The following CD99 variants were observed in gnomAD, a reference collection of about 807,000 sequenced individuals.
The protein encoded by CD99 is CD99 antigen.
Under a neutral mutation model 28.4 loss-of-function variants are expected in CD99, and 19 were observed. That is an observed-to-expected ratio of 0.67 (90% CI 0.47 to 0.98). The LOEUF is 0.98. Among genes scored for constraint, CD99 ranks in the 50% least tolerant of loss-of-function variants. The pLI, the probability that CD99 is intolerant of heterozygous loss-of-function variation, is 0.00. For missense variants in CD99, 283 were observed against 248.8 expected (o/e 1.14, Z -0.92); for synonymous variants, 103 against 92.1 (o/e 1.12, Z -0.67).
At chrX:2,702,931 G>A (rs1325293842) in intron 1 of CD99, among the ~76,000 whole-genome samples, 1 of 152,072 alleles carries the variant, frequency 6.6e-6, no homozygotes. Context: ...ACAGGCATGG[G>A]ATTACAGCCA....
At chrX:2,728,954 C>T (rs1218171794) in intron 8 of CD99, among the ~76,000 whole-genome samples, 2 of 151,070 alleles carry the variant, frequency 1.3e-5, no homozygotes, top group Admixed American at 6.6e-5. Context: ...CCTCAGCCTC[C>T]GAAGTAACTG....
chrX:2,717,380 T>C (rs2048778469), intron 2 of CD99: 3 of 520,680 alleles, frequency 5.8e-6, no homozygotes, highest in South Asian at 2.9e-5. Context: ...GAGAAGGGGC[T>C]CCTGGTCTCT....
chrX:2,707,847 C>T (rs1272497078), intron 1 of CD99, among the ~76,000 whole-genome samples: 3 of 152,084 alleles, frequency 2.0e-5, no homozygotes, highest in Non-Finnish European at 4.4e-5. Context: ...TTTGTAGCCC[C>T]GGAGGTCGTT....
chrX:2,724,796 C>T (rs964023102), intron 7 of CD99, among the ~76,000 whole-genome samples: 3 of 151,558 alleles, frequency 2.0e-5, no homozygotes, highest in African/African-American at 4.9e-5. Context: ...CCTAGCTACT[C>T]GGGAGGCACA....
Position 2,741,026 on chromosome X carries a change from T to A in CD99, c.*222T>A. 1 of 601,850 alleles carries A rather than the reference T, an allele frequency of 1.7e-6. No homozygotes were observed. The highest frequency in any genetic ancestry group is 4.6e-4 in the Middle Eastern group (1 of 2,188). The allele number at this position is 601,850 out of a possible 1,614,324, so 37.3% of individuals were successfully genotyped here. On this transcript the variant is annotated 3_prime_UTR_variant, in exon 10 of 10. Transcript: ENST00000381192. Reference sequence around the variant, plus strand: ...AGGGGGATAGGCACTTGGACCCCCATTCTCCAAGGCCCGGGGGGGCGGTTT... The same window carrying A: ...AGGGGGATAGGCACTTGGACCCCCAATCTCCAAGGCCCGGGGGGGCGGTTT...
At position 2,739,156 on chromosome X, in the gene CD99, A is replaced by G. The variant is rs187544549; in HGVS notation, c.532+900A>G. Among the ~76,000 whole-genome samples the G allele has an allele frequency of 4.6e-5, 7 of 152,174 alleles. No homozygotes were observed. In the East Asian group the frequency reaches 1.2e-3, roughly 25 times the overall value. On this transcript the variant is annotated intron_variant, in intron 9 of 9. Coordinates refer to ENST00000381192, the MANE Select transcript of CD99 (RefSeq NM_002414.5). ...AGTGCTGGGGTTCTAGGCGTGAACTACCGCACCCAGCCTGCTATCACCTTC... is the reference window on the plus strand; with the variant it reads ...AGTGCTGGGGTTCTAGGCGTGAACTGCCGCACCCAGCCTGCTATCACCTTC...
At chrX:2,711,753 AGGTTGGCTGGGTGCGGT>A (rs754166864) in intron 1 of CD99, among the ~76,000 whole-genome samples, 1,939 of 152,058 alleles carry the variant, frequency 0.013, 38 homozygotes, top group African/African-American at 0.045. Flanking sequence ...AAAAAGAAGG[AGGTTGGCTGGGTGCGGT>A]GGCTCATGCC....
At chrX:2,727,429 G>T in intron 8 of CD99, 2 of 740,138 alleles carry the variant, frequency 2.7e-6, no homozygotes, top group South Asian at 2.9e-5. Flanking sequence ...CCTCTTGCAT[G>T]ACCAAGCATT....
chrX:2,717,937 CTTTTTT>C (rs527447220), intron 3 of CD99: 1,083 of 164,136 alleles, frequency 6.6e-3, no homozygotes, highest in South Asian at 9.1e-3. Context: ...ATTTTCTTCC[CTTTTTT>C]TTTTTTTTTT....
At chrX:2,718,392 G>A (rs1282268617) in intron 3 of CD99, among the ~76,000 whole-genome samples, 2 of 146,010 alleles carry the variant, frequency 1.4e-5, no homozygotes, top group Non-Finnish European at 3.0e-5. Flanking sequence ...TTTTTGAGAC[G>A]GAGTCTCGCT....
At chrX:2,713,051 C>G (rs191034951) in intron 1 of CD99, among the ~76,000 whole-genome samples, 2 of 151,678 alleles carry the variant, frequency 1.3e-5, no homozygotes, top group African/African-American at 4.9e-5. Flanking sequence ...CATGCACAAA[C>G]ACACCTACAC....
chrX:2,713,659 T>C (rs1373813647), intron 1 of CD99, among the ~76,000 whole-genome samples: 1 of 152,222 alleles, frequency 6.6e-6, no homozygotes, highest in African/African-American at 2.4e-5. Flanking sequence ...ACAGGGCTCC[T>C]GCGGGTTGTT....
At chrX:2,737,422 C>T (rs111668239) in intron 8 of CD99, among the ~76,000 whole-genome samples, 6,543 of 12,856 alleles carry the variant, frequency 0.51, 163 homozygotes, top group Middle Eastern at 0.54. Context: ...GTGATCCGCC[C>T]GCCTGGCCTC....
At chrX:2,697,844 A>G (rs1603258779) in intron 1 of CD99, among the ~76,000 whole-genome samples, 1 of 152,106 alleles carries the variant, frequency 6.6e-6, no homozygotes, top group East Asian at 1.9e-4. Context: ...GTTCTCAGCA[A>G]TTGAACACTC....
Position 2,728,270 on chromosome X carries a change from T to A in CD99, c.475+1897T>A, listed in dbSNP as rs191930108. On this transcript the variant is annotated intron_variant, in intron 8 of 9. Transcript: ENST00000381192. ...CCCAGGCTGGAATGCAATGGCTCCA[T>A]CTTGGCTCACTGCAACCTCCACCTC... Among the ~76,000 whole-genome samples the A allele has an allele frequency of 4.1e-3, 595 of 146,520 alleles. 7 individuals carry two copies. Among genetic ancestry groups the A allele is most frequent in the African/African-American group, 0.014 (566 of 39,510 alleles).
At chrX:2,699,657 A>G (rs1204672136) in intron 1 of CD99, among the ~76,000 whole-genome samples, 1 of 151,944 alleles carries the variant, frequency 6.6e-6, no homozygotes, top group Non-Finnish European at 1.5e-5. Context: ...GGGTCTCCCT[A>G]TGTTGCCCAG....
intron 3 of CD99, chrX:2,719,374 A>C (rs2048887674): frequency 2.4e-6 from 1 of 420,780 alleles, no homozygotes; most frequent in Non-Finnish European, 4.2e-6. Context: ...TTCATTTATA[A>C]ATTACTTTAT....
chrX:2,738,328 A>G (rs1280904491), intron 9 of CD99, 72 bp downstream of exon 9: 4 of 1,415,522 alleles, frequency 2.8e-6, no homozygotes, highest in South Asian at 1.1e-5. Flanking sequence ...ATCCTCTCCC[A>G]TCTTGCTGTC....
chrX:2,691,963 A>T, intron 1 of CD99: 1 of 775,444 alleles, frequency 1.3e-6, no homozygotes, highest in South Asian at 1.4e-5. Flanking sequence ...AATGTTCAAA[A>T]ATACTCTGTG....
Sources: gnomAD v4.1 joint callset for allele counts (sites outside exome capture counted in the v4.1 genomes callset) on GRCh38, gnomAD v4.1.1 for gene constraint, MANE v1.5 for transcripts, NCBI Gene and HGNC (gene_info 2026-07-23, HGNC 2026-07-21) for gene names.